The following CHD1L variants were observed in gnomAD, a reference collection of about 807,000 sequenced individuals.
The protein encoded by CHD1L is chromodomain helicase DNA binding protein 1 like.
CHD1L carries 118 observed loss-of-function variants against 115.9 expected under a neutral mutation model. The ratio of observed to expected loss-of-function variants is 1.02; its 90% confidence interval spans 0.88 to 1.19. The LOEUF (loss-of-function observed/expected upper bound fraction) is 1.19. Ranked by LOEUF, CHD1L falls within the 50% of genes most tolerant of loss-of-function variation. CHD1L has a pLI of 0.00. For synonymous variants in CHD1L, 411 were observed against 387.1 expected (o/e 1.06, Z -0.72); for missense variants, 1,179 against 1,065.3 (o/e 1.11, Z -1.49).
chr1:147,227,881 G>A, the CHD1L span, among the ~76,000 whole-genome samples: 1 of 152,076 alleles, frequency 6.6e-6, no homozygotes, highest in African/African-American at 2.4e-5. Context: ...TTTGCATTTT[G>A]CCCATATTCA....
chr1:147,291,795 G>A (rs1553970803), intron 20 of CHD1L, among the ~76,000 whole-genome samples: 1 of 152,128 alleles, frequency 6.6e-6, no homozygotes, highest in East Asian at 1.9e-4. Flanking sequence ...TCCTTGGCTT[G>A]CAGATGGCGG....
intron 1 of CHD1L, among the ~76,000 whole-genome samples, chr1:147,248,212 T>TTA (rs1216426786): frequency 6.6e-6 from 1 of 151,348 alleles, no homozygotes; most frequent in Non-Finnish European, 1.5e-5. Context: ...GAAGTCTTAT[T>TTA]TTTTTTTTCT....
intron 2 of CHD1L, among the ~76,000 whole-genome samples, chr1:147,253,642 G>A (rs587661451): frequency 8.5e-5 from 13 of 152,244 alleles, no homozygotes; most frequent in Admixed American, 3.9e-4. Flanking sequence ...GACTACAGGC[G>A]CATGCCACCA....
chr1:147,198,904 T>C, the CHD1L span, among the ~76,000 whole-genome samples: 1 of 136,606 alleles, frequency 7.3e-6, no homozygotes, highest in Admixed American at 7.3e-5. Flanking sequence ...AAATTGGAGG[T>C]TGTATCCAAT....
chr1:147,273,748 A>C (rs1677191871), intron 12 of CHD1L, among the ~76,000 whole-genome samples: 1 of 152,168 alleles, frequency 6.6e-6, no homozygotes, highest in Non-Finnish European at 1.5e-5. Flanking sequence ...TGGAGGACTC[A>C]GAGTAGATCT....
the CHD1L span, chr1:147,204,429 T>A: frequency 2.5e-6 from 3 of 1,197,280 alleles, no homozygotes; most frequent in East Asian, 7.0e-5. Flanking sequence ...GTTTACACAT[T>A]ACAGAGGTAC....
At chr1:147,187,157 G>T in the CHD1L span, 1 of 1,614,142 alleles carries the variant, frequency 6.2e-7, no homozygotes, top group Non-Finnish European at 8.5e-7. Flanking sequence ...AGAGACAGCA[G>T]ATTGGGCCTG....
chr1:147,236,540 GC>G, the CHD1L span, among the ~76,000 whole-genome samples: 1 of 152,138 alleles, frequency 6.6e-6, no homozygotes. Context: ...CTCTCCACAG[GC>G]AGGTTGTCCC....
chr1:147,242,737 C>A lies in CHD1L; in HGVS notation c.34C>A (p.Gln12Lys), dbSNP rs782646191. The change falls in exon 1 of 23, where the codon CAA becomes AAA. Residue 12 changes from glutamine (Q) to lysine (K), a missense_variant. Gln to Lys is a moderately conservative substitution (Grantham distance 53). Coordinates refer to ENST00000369258, the MANE Select transcript of CHD1L (RefSeq NM_004284.6). The stretch of plus-strand genomic sequence containing the variant: ...CGCGGGCGCTACTAGCCGCGGGGGC[C>A]AAGCCCCTGGCTTCTTACTGCGGCT... ...ERAGATSRGG[Q>K]APGFLLRLHT... 6 of 1,260,816 alleles carry A rather than the reference C, an allele frequency of 4.8e-6. No homozygotes were observed. The African/African-American group carries it at 9.2e-5, about 19-fold the overall frequency. 78.1% of individuals were successfully genotyped at this position (1,260,816 alleles called of 1,614,324 possible).
At chr1:147,248,210 A>ATTTTTTTTTTTTTTT (rs782741705) in intron 1 of CHD1L, among the ~76,000 whole-genome samples, 2 of 150,020 alleles carry the variant, frequency 1.3e-5, no homozygotes, top group Non-Finnish European at 1.5e-5. Context: ...TGGAAGTCTT[A>ATTTTTTTTTTTTTTT]TTTTTTTTTT....
At chr1:147,185,569 A>G in the CHD1L span, among the ~76,000 whole-genome samples, 5 of 152,204 alleles carry the variant, frequency 3.3e-5, no homozygotes, top group African/African-American at 7.2e-5. Flanking sequence ...AAATGTTTAA[A>G]TAAGAAGAAG....
chr1:147,277,786 TAAGA>T (rs1234056264), intron 14 of CHD1L, among the ~76,000 whole-genome samples: 5 of 152,226 alleles, frequency 3.3e-5, no homozygotes, highest in African/African-American at 1.2e-4. Flanking sequence ...CATAGAACCT[TAAGA>T]GAGAGAAGGT....
the CHD1L span, among the ~76,000 whole-genome samples, chr1:147,199,344 A>G: frequency 1.2e-3 from 178 of 152,330 alleles, no homozygotes; most frequent in Non-Finnish European, 1.7e-3. Flanking sequence ...GGCCATGGAC[A>G]GAATAAAAAA....
chr1:147,197,874 A>G, the CHD1L span, among the ~76,000 whole-genome samples: 2 of 152,178 alleles, frequency 1.3e-5, no homozygotes, highest in Non-Finnish European at 1.5e-5. Flanking sequence ...AAGGCCTGGT[A>G]CATACTAAAA....
At chr1:147,206,993 T>C in the CHD1L span, among the ~76,000 whole-genome samples, 1 of 151,826 alleles carries the variant, frequency 6.6e-6, no homozygotes, top group Admixed American at 6.6e-5. Context: ...TGTAATGGTG[T>C]GATTGATTAC....
the CHD1L span, chr1:147,224,921 C>T: frequency 3.1e-6 from 5 of 1,613,954 alleles, no homozygotes; most frequent in African/African-American, 4.0e-5. Context: ...CCTCCGATGT[C>T]ATCAGTCCTT....
chr1:147,177,842 C>T, the CHD1L span, among the ~76,000 whole-genome samples: 1 of 152,114 alleles, frequency 6.6e-6, no homozygotes, highest in African/African-American at 2.4e-5. Flanking sequence ...AGAAAAAGAA[C>T]ATTAGGTTAA....
the CHD1L span, among the ~76,000 whole-genome samples, chr1:147,180,579 C>A: frequency 5.3e-5 from 8 of 152,234 alleles, no homozygotes; most frequent in Non-Finnish European, 1.0e-4. Flanking sequence ...GCATGAGCCA[C>A]TGCGTCCGGC....
the CHD1L span, among the ~76,000 whole-genome samples, chr1:147,185,437 A>G: frequency 6.6e-6 from 1 of 152,290 alleles, no homozygotes; most frequent in African/African-American, 2.4e-5. Context: ...ATAGATGATA[A>G]ATCTCCAGTA....
Sources: gnomAD v4.1 joint callset for allele counts (sites outside exome capture counted in the v4.1 genomes callset) on GRCh38, gnomAD v4.1.1 for gene constraint, MANE v1.5 for transcripts, NCBI Gene and HGNC (gene_info 2026-07-23, HGNC 2026-07-21) for gene names.